Variants in ZC4H2 observed in about 807,000 individuals in gnomAD.
ZC4H2 encodes zinc finger C4H2-type containing.
For synonymous variants in ZC4H2, 84 were observed against 66.3 expected (o/e 1.27, Z -1.30); for missense variants, 137 against 173.9 (o/e 0.79, Z 1.19).
At chrX:65,014,546 A>G (rs1016089046) in intron 1 of ZC4H2, among the ~76,000 whole-genome samples, 7 of 111,695 alleles carry the variant, frequency 6.3e-5, no homozygotes, top group Non-Finnish European at 1.3e-4. Context: ...TCAGCAATTC[A>G]TATTTCACCA....
intron 1 of ZC4H2, among the ~76,000 whole-genome samples, chrX:64,974,432 C>A (rs931515064): frequency 2.7e-5 from 3 of 111,987 alleles, no homozygotes; most frequent in Admixed American, 9.4e-5. Context: ...GTATTGGCAT[C>A]TGTTTATTTT....
chrX:64,954,374 T>TA (rs1931060729), intron 1 of ZC4H2, among the ~76,000 whole-genome samples: 5 of 73,254 alleles, frequency 6.8e-5, no homozygotes, highest in African/African-American at 5.1e-4. Flanking sequence ...ATATATATAA[T>TA]TATATATATT....
intron 1 of ZC4H2, among the ~76,000 whole-genome samples, chrX:65,022,820 T>C (rs1161491893): frequency 3.6e-5 from 4 of 112,092 alleles, no homozygotes; most frequent in Non-Finnish European, 7.5e-5. Context: ...TGGAAAAACA[T>C]TCTATGCTCA....
intron 1 of ZC4H2, among the ~76,000 whole-genome samples, chrX:64,990,466 C>G (rs1438959902): frequency 1.8e-5 from 2 of 111,370 alleles, no homozygotes; most frequent in Non-Finnish European, 3.8e-5. Flanking sequence ...TCAATATCTT[C>G]TCTGTGGTAT....
At chrX:65,003,544 T>G (rs1052545716) in intron 1 of ZC4H2, among the ~76,000 whole-genome samples, 1 of 110,679 alleles carries the variant, frequency 9.0e-6, no homozygotes, top group Non-Finnish European at 1.9e-5. Context: ...GCGAGACTAA[T>G]AAAGAAGAAA....
intron 1 of ZC4H2, among the ~76,000 whole-genome samples, chrX:65,026,256 ATTACAAATATAAATT>A: frequency 8.9e-6 from 1 of 112,350 alleles, no homozygotes; most frequent in Non-Finnish European, 1.9e-5. Flanking sequence ...GAAAAGGGCC[ATTACAAATATAAATT>A]ATTCAGGCAA....
chrX:65,003,548 G>T (rs1359187897), intron 1 of ZC4H2, among the ~76,000 whole-genome samples: 1 of 111,297 alleles, frequency 9.0e-6, no homozygotes, highest in Non-Finnish European at 1.9e-5. Context: ...GACTAATAAA[G>T]AAGAAAAAAG....
chrX:64,948,873 A>G (rs1052903056), intron 1 of ZC4H2, among the ~76,000 whole-genome samples: 2 of 112,291 alleles, frequency 1.8e-5, no homozygotes, highest in Non-Finnish European at 3.8e-5. Context: ...TACATAAGAT[A>G]AAGGTAAACG....
chrX:65,007,566 G>A (rs936099563), intron 1 of ZC4H2, among the ~76,000 whole-genome samples: 18 of 111,766 alleles, frequency 1.6e-4, no homozygotes, highest in Non-Finnish European at 2.1e-4. Flanking sequence ...AAAGAGAAAA[G>A]TAACAGGGGA....
intron 1 of ZC4H2, among the ~76,000 whole-genome samples, chrX:65,027,155 T>C (rs185533053): frequency 2.5e-4 from 28 of 112,011 alleles, no homozygotes; most frequent in Admixed American, 1.9e-3. Context: ...CAGCACAGAA[T>C]TGCAAGTAGT....
intron 1 of ZC4H2, among the ~76,000 whole-genome samples, chrX:64,937,706 G>A (rs1254889180): frequency 5.4e-5 from 6 of 111,538 alleles, no homozygotes; most frequent in Admixed American, 9.6e-5. Context: ...TGAAATGAAG[G>A]CAGAAATAAA....
intron 1 of ZC4H2, among the ~76,000 whole-genome samples, chrX:64,987,034 T>A (rs748503494): frequency 1.3e-4 from 14 of 107,112 alleles, no homozygotes; most frequent in Non-Finnish European, 2.3e-4. Context: ...TTCACGCCAT[T>A]CTCTTGCCTC....
At chrX:64,952,902 C>G (rs901652800) in intron 1 of ZC4H2, among the ~76,000 whole-genome samples, 2 of 111,390 alleles carry the variant, frequency 1.8e-5, no homozygotes, top group African/African-American at 6.5e-5. Context: ...GGAGGCATCA[C>G]GCTACCTGAC....
At chrX:64,966,938 T>C (rs781235416) in intron 1 of ZC4H2, among the ~76,000 whole-genome samples, 3 of 111,600 alleles carry the variant, frequency 2.7e-5, no homozygotes, top group Non-Finnish European at 5.7e-5. Context: ...ATGTTTCCTA[T>C]GGTATATAAA....
chrX:64,927,295 C>T (rs780176568), intron 1 of ZC4H2, among the ~76,000 whole-genome samples: 4 of 109,927 alleles, frequency 3.6e-5, no homozygotes, highest in African/African-American at 6.6e-5. Flanking sequence ...CCCCCCACCC[C>T]GACAGGCCCC....
intron 1 of ZC4H2, among the ~76,000 whole-genome samples, chrX:64,938,761 T>A (rs777917021): frequency 1.8e-5 from 2 of 111,812 alleles, no homozygotes; most frequent in African/African-American, 6.5e-5. Context: ...AAACTCTCAA[T>A]AAACCAGGTA....
chrX:65,015,199 C>T (rs1271187389), intron 1 of ZC4H2, among the ~76,000 whole-genome samples: 1 of 111,724 alleles, frequency 9.0e-6, no homozygotes, highest in Admixed American at 9.5e-5. Context: ...AGAAATAGGA[C>T]TCAGATTACC....
intron 1 of ZC4H2, among the ~76,000 whole-genome samples, chrX:65,015,767 T>C (rs780206686): frequency 1.3e-3 from 146 of 112,234 alleles, no homozygotes; most frequent in Non-Finnish European, 2.5e-3. Flanking sequence ...AATAATACTT[T>C]CATGAGTTCT....
chrX:64,945,940 C>G (rs1165114196), intron 1 of ZC4H2, among the ~76,000 whole-genome samples: 4 of 110,854 alleles, frequency 3.6e-5, no homozygotes, highest in Admixed American at 1.9e-4. Context: ...CCACCAAGCT[C>G]GAGCATCCCA....
Sources: allele counts gnomAD v4.1 joint callset (sites outside exome capture counted in the v4.1 genomes callset), GRCh38; gene constraint gnomAD v4.1.1; transcripts MANE v1.5; gene names NCBI Gene and HGNC (gene_info 2026-07-23, HGNC 2026-07-21).